The following DACH2 variants were observed in gnomAD, a reference collection of about 807,000 sequenced individuals.
The protein encoded by DACH2 is dachshund homolog 2.
Under a neutral mutation model 35.8 loss-of-function variants are expected in DACH2, and 17 were observed. That is an observed-to-expected ratio of 0.48 (90% CI 0.33 to 0.71). The LOEUF is 0.71. DACH2 is among the 30% of genes least tolerant of loss of function. The pLI, the probability that DACH2 is intolerant of heterozygous loss-of-function variation, is 0.02. For missense variants in DACH2, 469 were observed against 472.7 expected, an observed-to-expected ratio of 0.99 and a Z score of 0.07; for synonymous variants, 195 against 177.3, an observed-to-expected ratio of 1.10 and a Z score of -0.79.
chrX:86,731,373 C>T (rs1695854186), intron 6 of DACH2, among the ~76,000 whole-genome samples: 1 of 111,507 alleles, frequency 9.0e-6, no homozygotes, highest in Admixed American at 9.6e-5. Context: ...TCCAAGGCAG[C>T]ACCCTCCTTT....
chrX:86,671,852 G>A (rs1187858793), intron 4 of DACH2, among the ~76,000 whole-genome samples: 1 of 111,560 alleles, frequency 9.0e-6, no homozygotes, highest in Admixed American at 9.6e-5. Flanking sequence ...AGTTGCGAGG[G>A]CTCAGAAGAA....
At chrX:86,416,170 A>G (rs1457986615) in intron 2 of DACH2, among the ~76,000 whole-genome samples, 1 of 112,400 alleles carries the variant, frequency 8.9e-6, no homozygotes, top group Non-Finnish European at 1.9e-5. Flanking sequence ...CTTCTTTTGT[A>G]TCTGAAATTA....
intron 3 of DACH2, among the ~76,000 whole-genome samples, chrX:86,545,119 A>C (rs770130044): frequency 6.1e-4 from 68 of 112,212 alleles, no homozygotes; most frequent in African/African-American, 2.0e-3. Context: ...TCATTGCAGC[A>C]GTATTCACAG....
intron 2 of DACH2, among the ~76,000 whole-genome samples, chrX:86,495,811 A>T (rs73631956): frequency 9.0e-6 from 1 of 110,562 alleles, no homozygotes; most frequent in African/African-American, 3.3e-5. Flanking sequence ...GGAAAAAAAA[A>T]AAAGAAAGAA....
chrX:86,667,424 A>G (rs1376792365), intron 4 of DACH2, among the ~76,000 whole-genome samples: 3 of 85,463 alleles, frequency 3.5e-5, no homozygotes, highest in Non-Finnish European at 7.3e-5. Flanking sequence ...AAAAGAAAGA[A>G]GAAAGAAAAG....
Position 86,780,190 on chromosome X carries a change from A to G in DACH2, c.1241-32666A>G, listed in dbSNP as rs768661093. 2.9e-5 allele frequency among the ~76,000 whole-genome samples: 3 copies of G among 103,371 alleles called. No homozygotes were observed. In the Admixed American group the frequency reaches 3.2e-4, roughly 11 times the overall value. 89.8% of individuals were successfully genotyped at this position (103,371 alleles called of 115,157 possible). A position where few individuals can be genotyped will look rare whatever the true frequency, so the allele number is the denominator to read the frequency against. ...AATACCAAAAAAAAAAAAAAAACCCACCCAAAGGACAGCAACTACAAATAT... is the reference window on the plus strand; with the variant it reads ...AATACCAAAAAAAAAAAAAAAACCCGCCCAAAGGACAGCAACTACAAATAT... On this transcript the variant is annotated intron_variant, in intron 7 of 11. Transcript: ENST00000373125.
intron 7 of DACH2, among the ~76,000 whole-genome samples, chrX:86,803,665 G>C (rs2042315839): frequency 9.1e-6 from 1 of 110,134 alleles, no homozygotes; most frequent in South Asian, 3.8e-4. Context: ...ACATGATGGT[G>C]GCTATTCTAG....
intron 3 of DACH2, among the ~76,000 whole-genome samples, chrX:86,544,713 A>C (rs1273598791): frequency 9.0e-6 from 1 of 111,663 alleles, no homozygotes; most frequent in Non-Finnish European, 1.9e-5. Context: ...GACTATTGAC[A>C]CTATGCAGCA....
At position 86,537,276 on chromosome X, in the gene DACH2, C is replaced by A. The variant is rs1204340005; in HGVS notation, c.640+22885C>A. Reference sequence around the variant, plus strand: ...AGCAAAGACTTGAGGTGACCCTAAGCAGGGATTCCCAAAGTCCCAAGCATG... The same window carrying A: ...AGCAAAGACTTGAGGTGACCCTAAGAAGGGATTCCCAAAGTCCCAAGCATG... On this transcript the variant is annotated intron_variant, in intron 3 of 11. Transcript: ENST00000373125. 6.3e-5 allele frequency among the ~76,000 whole-genome samples: 7 copies of A among 111,284 alleles called. No homozygotes were observed. In the East Asian group the frequency reaches 1.7e-3, roughly 27 times the overall value.
chrX:86,403,513 C>T (rs906162344), intron 2 of DACH2, among the ~76,000 whole-genome samples: 6 of 111,668 alleles, frequency 5.4e-5, no homozygotes, highest in Middle Eastern at 4.2e-3. Flanking sequence ...ACTAAAGTGT[C>T]AAAAACAAAA....
At chrX:86,564,144 G>A (rs991714855) in intron 3 of DACH2, among the ~76,000 whole-genome samples, 27 of 110,581 alleles carry the variant, frequency 2.4e-4, no homozygotes, top group Admixed American at 2.4e-3. Context: ...AGTCAATGCC[G>A]TATTGACACA....
At chrX:86,818,578 TTG>T (rs1371790529) in intron 11 of DACH2, among the ~76,000 whole-genome samples, 8 of 111,637 alleles carry the variant, frequency 7.2e-5, no homozygotes, top group Non-Finnish European at 9.5e-5. Flanking sequence ...TAGTTCTTTT[TTG>T]TGACATTTTG....
intron 1 of DACH2, among the ~76,000 whole-genome samples, chrX:86,309,038 A>G (rs1569342269): frequency 9.0e-6 from 1 of 111,560 alleles, no homozygotes; most frequent in Non-Finnish European, 1.9e-5. Flanking sequence ...TTATGGTGGG[A>G]GAGGCCAAAT....
At chrX:86,777,943 A>C (rs1224810462) in intron 7 of DACH2, among the ~76,000 whole-genome samples, 1 of 110,928 alleles carries the variant, frequency 9.0e-6, no homozygotes, top group Non-Finnish European at 1.9e-5. Flanking sequence ...TTAAAATAAA[A>C]AAATATGGAT....
At chrX:86,549,613 C>A (rs757715656) in intron 3 of DACH2, among the ~76,000 whole-genome samples, 2 of 108,982 alleles carry the variant, frequency 1.8e-5, no homozygotes, top group Admixed American at 9.9e-5. Context: ...TCTGAAAAAA[C>A]GATATTTTTC....
intron 1 of DACH2, among the ~76,000 whole-genome samples, chrX:86,255,067 A>G (rs984866871): frequency 9.2e-6 from 1 of 109,145 alleles, no homozygotes; most frequent in Non-Finnish European, 1.9e-5. Context: ...TATCACAGTG[A>G]TGGGATCCTA....
chrX:86,586,245 C>T (rs187050170), intron 3 of DACH2, among the ~76,000 whole-genome samples: 1,208 of 111,440 alleles, frequency 0.011, 3 homozygotes, highest in Non-Finnish European at 0.017. Context: ...CCTTTGCCCA[C>T]TTTTTAATGG....
intron 3 of DACH2, among the ~76,000 whole-genome samples, chrX:86,646,780 A>G (rs1011366781): frequency 9.1e-6 from 1 of 110,095 alleles, no homozygotes; most frequent in Non-Finnish European, 1.9e-5. Context: ...CCTTATCTCT[A>G]TGCAATATAT....
chrX:86,174,034 A>C (rs774295427), intron 1 of DACH2, among the ~76,000 whole-genome samples: 1 of 110,449 alleles, frequency 9.1e-6, no homozygotes, highest in South Asian at 4.0e-4. Flanking sequence ...GGCATATACA[A>C]CTGGGAGGCT....
Sources: allele counts gnomAD v4.1 joint callset (sites outside exome capture counted in the v4.1 genomes callset), GRCh38; gene constraint gnomAD v4.1.1; transcripts MANE v1.5; gene names NCBI Gene and HGNC (gene_info 2026-07-23, HGNC 2026-07-21).